KSR1: variants seen among roughly 807,000 people sequenced by gnomAD.
The protein encoded by KSR1 is kinase suppressor of ras 1.
In KSR1, 35 loss-of-function variants were observed where a neutral mutation model predicts 92.9. That is an observed-to-expected ratio of 0.38 (90% CI 0.29 to 0.50). The LOEUF (loss-of-function observed/expected upper bound fraction) is 0.50, where lower values mean the gene tolerates loss of function less well. Among genes scored for constraint, KSR1 ranks in the 20% least tolerant of loss-of-function variants. The pLI is 0.94. For missense variants in KSR1, 972 were observed against 1,158.5 expected (o/e 0.84, Z 2.34); for synonymous variants, 467 against 472.6 (o/e 0.99, Z 0.15).
chr17:27,494,008 C>T (rs181832135), intron 1 of KSR1, among the ~76,000 whole-genome samples: 10 of 152,158 alleles, frequency 6.6e-5, no homozygotes, highest in South Asian at 4.2e-4. Flanking sequence ...AACTTGGGGA[C>T]GCTGAGGTGG....
At chr17:27,548,413 C>A (rs1445435067) in intron 1 of KSR1, among the ~76,000 whole-genome samples, 1 of 152,164 alleles carries the variant, frequency 6.6e-6, no homozygotes, top group Non-Finnish European at 1.5e-5. Flanking sequence ...ATTAATTCAT[C>A]ATTTTTTTCT....
At position 27,621,853 on chromosome 17, in the gene KSR1, T is replaced by C. The variant is rs2074232045; in HGVS notation, c.2708+580T>C. 3.3e-6 allele frequency: 5 copies of C among 1,497,810 alleles called. No homozygotes were observed. In the South Asian group the frequency reaches 5.7e-5, roughly 17 times the overall value. 92.8% of individuals were successfully genotyped at this position (1,497,810 alleles called of 1,614,324 possible). On this transcript the variant is annotated intron_variant, in intron 20 of 20. Transcript: ENST00000644974. ...CCTGCCCAGCTGCTCTGGCCAGACC[T>C]CTAGCTCCCGACAGGCTCTGCATTG...
intron 2 of KSR1, chr17:27,560,593 G>C (rs1487958529): frequency 2.1e-6 from 1 of 479,222 alleles, no homozygotes; most frequent in African/African-American, 2.0e-5. Context: ...CCACCATTTT[G>C]GTTTCCCAGT....
At chr17:27,464,634 C>CACTT (rs1263357258) in intron 1 of KSR1, among the ~76,000 whole-genome samples, 1 of 151,242 alleles carries the variant, frequency 6.6e-6, no homozygotes, top group East Asian at 1.9e-4. Flanking sequence ...GCTGGAGGAG[C>CACTT]ACTTGAGCCT....
At chr17:27,542,150 C>CT (rs767093547) in intron 1 of KSR1, among the ~76,000 whole-genome samples, 2 of 152,190 alleles carry the variant, frequency 1.3e-5, no homozygotes, top group South Asian at 2.1e-4. Flanking sequence ...GGGATCTACT[C>CT]TAATTCCTAG....
At chr17:27,541,644 G>A (rs2070972319) in intron 1 of KSR1, among the ~76,000 whole-genome samples, 1 of 152,232 alleles carries the variant, frequency 6.6e-6, no homozygotes, top group Non-Finnish European at 1.5e-5. Context: ...TAGGGTGTGG[G>A]TTGCAGGAGT....
chr17:27,602,629 T>G (rs2073606725), intron 11 of KSR1, among the ~76,000 whole-genome samples: 1 of 152,230 alleles, frequency 6.6e-6, no homozygotes, highest in Non-Finnish European at 1.5e-5. Flanking sequence ...ACCCCAACTC[T>G]TACTACTTCC....
chr17:27,480,072 T>G (rs966504684), intron 1 of KSR1, among the ~76,000 whole-genome samples: 1 of 152,316 alleles, frequency 6.6e-6, no homozygotes, highest in Middle Eastern at 3.4e-3. Flanking sequence ...GCAGAGACCA[T>G]TGACTCTCAT....
chr17:27,538,527 G>A (rs1567805131), intron 1 of KSR1, among the ~76,000 whole-genome samples: 2 of 152,212 alleles, frequency 1.3e-5, no homozygotes, highest in Non-Finnish European at 2.9e-5. Context: ...AGTGGGGACT[G>A]AATCATCATG....
At chr17:27,618,062 G>A (rs1179468835) in intron 19 of KSR1, among the ~76,000 whole-genome samples, 3 of 152,172 alleles carry the variant, frequency 2.0e-5, no homozygotes, top group African/African-American at 7.2e-5. Context: ...GGGGCAAGAT[G>A]GGGCCAGTTA....
intron 1 of KSR1, among the ~76,000 whole-genome samples, chr17:27,472,544 C>A (rs1235311718): frequency 6.6e-6 from 1 of 152,208 alleles, no homozygotes; most frequent in East Asian, 1.9e-4. Flanking sequence ...CCCCGTGGCT[C>A]ATGCCTGTAA....
intron 1 of KSR1, among the ~76,000 whole-genome samples, chr17:27,500,719 T>C (rs896376874): frequency 2.0e-5 from 3 of 152,258 alleles, no homozygotes; most frequent in South Asian, 2.1e-4. Flanking sequence ...TTGTGGGTCA[T>C]TGGGGTGCAG....
rs563483282 is a variant in KSR1, at chr17:27,524,852, T to C, written c.232-25716T>C. On this transcript the variant is annotated intron_variant, in intron 1 of 20. Transcript: ENST00000644974. ...AGGCAGGGAGGGGGCTCTGGGTTCC[T>C]GGAGTGGCAGTGGTGGTGTGGAGTT... is the stretch of plus-strand genomic sequence containing the variant. 2.8e-3 allele frequency among the ~76,000 whole-genome samples: 433 copies of C among 152,262 alleles called. 3 individuals are homozygous for C. Among genetic ancestry groups the C allele is most frequent in the African/African-American group, 0.01 (418 of 41,548 alleles).
At chr17:27,526,974 GT>G in intron 1 of KSR1, 1 of 570,866 alleles carries the variant, frequency 1.8e-6, no homozygotes, top group Non-Finnish European at 3.2e-6. Flanking sequence ...GGCCATAATT[GT>G]TTTAGTCCAA....
At chr17:27,587,185 T>C in intron 5 of KSR1, 1 of 152,514 alleles carries the variant, frequency 6.6e-6, no homozygotes, top group Non-Finnish European at 1.5e-5. Context: ...GCCCATGTGT[T>C]TTGGTGGTCT....
chr17:27,574,129 T>C (rs2072415557), intron 2 of KSR1, among the ~76,000 whole-genome samples: 1 of 152,168 alleles, frequency 6.6e-6, no homozygotes, highest in African/African-American at 2.4e-5. Context: ...TCCGGACAAG[T>C]AGAGGATTGC....
At chr17:27,490,212 C>G (rs16966143) in intron 1 of KSR1, among the ~76,000 whole-genome samples, 10,106 of 152,172 alleles carry the variant, frequency 0.066, 449 homozygotes, top group South Asian at 0.16. Flanking sequence ...ATGGGATTAT[C>G]CTTAAAAAGT....
chr17:27,526,752 C>G, intron 1 of KSR1: 1 of 1,217,010 alleles, frequency 8.2e-7, no homozygotes, highest in Admixed American at 1.9e-5. Context: ...CGTATGAACT[C>G]TTTCTCATCA....
At chr17:27,585,948 T>TTAATGA in intron 5 of KSR1, 3 of 366,186 alleles carry the variant, frequency 8.2e-6, no homozygotes, top group Non-Finnish European at 1.5e-5. Context: ...CACCTTGCCC[T>TTAATGA]TCCCCACCGA....
Sources: allele counts gnomAD v4.1 joint callset (sites outside exome capture counted in the v4.1 genomes callset), GRCh38; gene constraint gnomAD v4.1.1; transcripts MANE v1.5; gene names NCBI Gene and HGNC (gene_info 2026-07-23, HGNC 2026-07-21).